Variants in PTPN13 observed in about 807,000 individuals in gnomAD.
The protein encoded by PTPN13 is tyrosine-protein phosphatase non-receptor type 13.
Under a neutral mutation model 284.0 loss-of-function variants are expected in PTPN13, and 191 were observed. The observed-to-expected ratio is 0.67, with a 90% CI of 0.60 to 0.76. The LOEUF (loss-of-function observed/expected upper bound fraction) is 0.76. Among genes scored for constraint, PTPN13 ranks in the 30% least tolerant of loss-of-function variants. The probability of loss-of-function intolerance (pLI) is 0.00; values close to 1 mark genes in which losing one functional copy is unlikely to be tolerated. For synonymous variants in PTPN13, 986 were observed against 1,022.3 expected (o/e 0.96, Z 0.68); for missense variants, 2,797 against 2,939.9 (o/e 0.95, Z 1.12).
intron 3 of PTPN13, among the ~76,000 whole-genome samples, chr4:86,678,813 T>A (rs1728577531): frequency 1.3e-5 from 2 of 152,230 alleles, no homozygotes; most frequent in Admixed American, 1.3e-4. Flanking sequence ...CATATATGTC[T>A]ACATATATTA....
chr4:86,732,506 A>G (rs550058862), intron 11 of PTPN13, 32 bp downstream of exon 11: 7 of 1,593,328 alleles, frequency 4.4e-6, no homozygotes, highest in South Asian at 1.1e-5. Context: ...TGTCACTCTT[A>G]GAAAATAATT....
Position 86,815,065 on chromosome 4 carries a change from G to T in PTPN13, c.*514G>T, listed in dbSNP as rs1257429963. 2.0e-5 allele frequency: 3 copies of T among 152,644 alleles called. No homozygotes were observed. The highest frequency in any genetic ancestry group is 1.3e-4 in the Admixed American group (2 of 15,278). The allele number at this position is 152,644 out of a possible 1,614,324, so 9.5% of individuals were successfully genotyped here. ...ATTTATATACTTTTTCATGAAAATG[G>T]AGTTATCAGTTATCTGTTTGTTACT... On this transcript the variant is annotated 3_prime_UTR_variant, in exon 48 of 48. Coordinates refer to ENST00000411767, the MANE Select transcript of PTPN13 (RefSeq NM_080683.3).
At chr4:86,785,103 G>A in intron 38 of PTPN13, 128 bp from the exon 39 acceptor site, 4 of 657,630 alleles carry the variant, frequency 6.1e-6, no homozygotes, top group Non-Finnish European at 9.8e-6. Flanking sequence ...TACTTTTCCA[G>A]TCATTGCTAC....
chr4:86,618,820 A>C (rs997407547), intron 1 of PTPN13, among the ~76,000 whole-genome samples: 2 of 152,076 alleles, frequency 1.3e-5, no homozygotes, highest in Non-Finnish European at 2.9e-5. Context: ...GCTTAAGGAG[A>C]TTTTGGGCTG....
At chr4:86,633,096 A>G (rs1000903227) in intron 1 of PTPN13, among the ~76,000 whole-genome samples, 3 of 152,044 alleles carry the variant, frequency 2.0e-5, no homozygotes, top group Non-Finnish European at 2.9e-5. Flanking sequence ...TTAAGCCACT[A>G]TGCTCAGCCT....
Position 86,693,587 on chromosome 4 carries a change from A to C in PTPN13, c.547A>C (p.Thr183Pro). The C allele has an allele frequency of 2.6e-6, 4 of 1,545,574 alleles. No individual in the cohort carries two copies. The highest frequency in any genetic ancestry group is 3.5e-6 in the Non-Finnish European group (4 of 1,141,128). The change falls in exon 6 of 48, where the codon ACA becomes CCA. Residue 183 changes from threonine (T) to proline (P), a missense_variant and splice_region_variant. Thr to Pro is a conservative substitution (Grantham distance 38, BLOSUM62 -1). Transcript: ENST00000411767. The stretch of plus-strand genomic sequence containing the variant: ...TTGATTTTTTATTACCTGTGTACAG[A>C]CAGATCAGCTTTCCTGTAACAGTGA... ...VKLVLGNLSG[T>P]DQLSCNSEQK...
chr4:86,642,719 TG>T (rs1723956377), intron 2 of PTPN13, among the ~76,000 whole-genome samples: 1 of 152,046 alleles, frequency 6.6e-6, no homozygotes, highest in South Asian at 2.1e-4. Context: ...CCTCTCAAAG[TG>T]CTGGAATTAC....
At chr4:86,717,189 ATTTTTT>A in intron 9 of PTPN13, 72 bp downstream of exon 9, 2 of 739,798 alleles carry the variant, frequency 2.7e-6, no homozygotes, top group African/African-American at 1.9e-5. Flanking sequence ...ATTAAATGGA[ATTTTTT>A]TTTTTTTTTT....
chr4:86,796,623 A>G (rs1578698216), intron 40 of PTPN13, among the ~76,000 whole-genome samples: 1 of 152,322 alleles, frequency 6.6e-6, no homozygotes. Context: ...CCCAGGCAAC[A>G]GACTCCATCT....
chr4:86,735,700 C>G lies in PTPN13; in HGVS notation c.2258C>G (p.Thr753Ser). 1.2e-6 allele frequency: 2 copies of G among 1,612,590 alleles called. No homozygotes were observed. Among genetic ancestry groups the G allele is most frequent in the Non-Finnish European group, 1.7e-6 (2 of 1,179,440 alleles). ...GAAGAGTTACCCAAATTGCATAATACCTATGTGGGAGCTTCTGAAAAAGAG... is the reference window on the plus strand; with the variant it reads ...GAAGAGTTACCCAAATTGCATAATAGCTATGTGGGAGCTTCTGAAAAAGAG... ...IKEELPKLHN[T>S]YVGASEKETE... The change falls in exon 15 of 48, where the codon ACC becomes AGC. Residue 753 changes from threonine to serine, a missense_variant. Thr to Ser is a moderately conservative substitution (Grantham distance 58, BLOSUM62 1). Transcript: ENST00000411767.
intron 6 of PTPN13, among the ~76,000 whole-genome samples, chr4:86,699,799 T>C (rs561576748): frequency 6.6e-6 from 1 of 152,338 alleles, no homozygotes; most frequent in East Asian, 1.9e-4. Flanking sequence ...AGAATATCTC[T>C]GTTCTCTATT....
chr4:86,644,019 G>A (rs1374725779), intron 2 of PTPN13, among the ~76,000 whole-genome samples: 1 of 151,910 alleles, frequency 6.6e-6, no homozygotes, highest in Admixed American at 6.6e-5. Context: ...GATGAACAAA[G>A]TTGTTGAAGT....
chr4:86,639,221 T>C (rs1314162343), intron 2 of PTPN13, among the ~76,000 whole-genome samples: 3 of 151,824 alleles, frequency 2.0e-5, no homozygotes, highest in East Asian at 3.9e-4. Flanking sequence ...ACTTTTACAC[T>C]GTTGGTGGGA....
chr4:86,741,137 C>T (rs936399952), intron 15 of PTPN13, among the ~76,000 whole-genome samples: 5 of 152,216 alleles, frequency 3.3e-5, no homozygotes, highest in African/African-American at 1.2e-4. Context: ...ACTGTTTCAG[C>T]CTCTGCCTGT....
At chr4:86,626,850 G>C (rs967122451) in intron 1 of PTPN13, among the ~76,000 whole-genome samples, 1 of 152,036 alleles carries the variant, frequency 6.6e-6, no homozygotes, top group Non-Finnish European at 1.5e-5. Context: ...TTACTCAAGG[G>C]TCAGCTGTAT....
At chr4:86,800,719 G>A (rs1349286348) in intron 42 of PTPN13, among the ~76,000 whole-genome samples, 3 of 151,562 alleles carry the variant, frequency 2.0e-5, no homozygotes, top group South Asian at 4.2e-4. Flanking sequence ...AGGGAGGGAG[G>A]GAGGAAGGAA....
At chr4:86,647,363 C>T (rs1724561736) in intron 2 of PTPN13, among the ~76,000 whole-genome samples, 1 of 151,868 alleles carries the variant, frequency 6.6e-6, no homozygotes, top group Non-Finnish European at 1.5e-5. Flanking sequence ...GTTTTTCAGT[C>T]AAATGCTGTA....
intron 20 of PTPN13, among the ~76,000 whole-genome samples, chr4:86,754,772 G>A (rs1288187885): frequency 6.6e-6 from 1 of 152,022 alleles, no homozygotes; most frequent in Non-Finnish European, 1.5e-5. Flanking sequence ...AATGTACATT[G>A]GATAGCCAAT....
chr4:86,762,910 C>A lies in PTPN13; in HGVS notation c.3737C>A (p.Ser1246Tyr). The change falls in exon 24 of 48, where the codon TCT (serine) becomes TAT (tyrosine). Residue 1246 changes from serine to tyrosine, a missense_variant. Coordinates refer to ENST00000411767, the MANE Select transcript of PTPN13 (RefSeq NM_080683.3). Reference protein sequence around the residue: ...SGGLREGSLSSQDSRTESASL... With the variant: ...SGGLREGSLSYQDSRTESASL... Reference sequence around the variant, plus strand: ...GGCCTGCGGGAAGGAAGCCTGAGTTCTCAAGATTCCAGGACTGAGAGTGCC... The same window carrying A: ...GGCCTGCGGGAAGGAAGCCTGAGTTATCAAGATTCCAGGACTGAGAGTGCC... The A allele has an allele frequency of 6.2e-7, 1 of 1,613,932 alleles. No individual in the cohort carries two copies. Among genetic ancestry groups the A allele is most frequent in the Non-Finnish European group, 8.5e-7 (1 of 1,179,866 alleles).
Sources: allele counts gnomAD v4.1 joint callset (sites outside exome capture counted in the v4.1 genomes callset), GRCh38; gene constraint gnomAD v4.1.1; transcripts MANE v1.5; gene names NCBI Gene and HGNC (gene_info 2026-07-23, HGNC 2026-07-21).